Variants in USH2A observed in about 807,000 individuals in gnomAD.
The protein encoded by USH2A is usherin, also known as Usher syndrome 2A (autosomal recessive, mild).
Under a neutral mutation model 538.9 loss-of-function variants are expected in USH2A, and 443 were observed. That is an observed-to-expected ratio of 0.82 (90% CI 0.76 to 0.89). The LOEUF (loss-of-function observed/expected upper bound fraction) is 0.89, where lower values mean the gene tolerates loss of function less well. Ranked by LOEUF, USH2A falls within the 40% of genes least tolerant of loss-of-function variation. The pLI, the probability that USH2A is intolerant of heterozygous loss-of-function variation, is 0.00. For missense variants in USH2A, 6,633 were observed against 6,324.8 expected (o/e 1.05, Z -1.65); for synonymous variants, 2,413 against 2,273.5 (o/e 1.06, Z -1.75).
chr1:215,736,654 A>C (rs953935430), intron 60 of USH2A, among the ~76,000 whole-genome samples: 3 of 152,056 alleles, frequency 2.0e-5, no homozygotes, highest in African/African-American at 7.2e-5. Context: ...ATAGACAATA[A>C]GAAATAATCC....
At chr1:215,987,532 C>T (rs915600383) in intron 35 of USH2A, among the ~76,000 whole-genome samples, 1 of 152,136 alleles carries the variant, frequency 6.6e-6, no homozygotes, top group African/African-American at 2.4e-5. Flanking sequence ...GAGTGTCACA[C>T]CATCATTTTT....
At chr1:215,988,720 G>A (rs1362850070) in intron 35 of USH2A, among the ~76,000 whole-genome samples, 1 of 152,054 alleles carries the variant, frequency 6.6e-6, no homozygotes, top group Non-Finnish European at 1.5e-5. Flanking sequence ...TTTTAACTGA[G>A]CAATTATTAT....
intron 37 of USH2A, among the ~76,000 whole-genome samples, chr1:215,955,961 G>C (rs75263956): frequency 0.052 from 7,861 of 152,222 alleles, 255 homozygotes; most frequent in African/African-American, 0.096. Context: ...TCAGGAATCA[G>C]AGAAGGGAAT....
At position 215,760,713 on chromosome 1, in the gene USH2A, A is replaced by G. The variant is rs140030906; in HGVS notation, c.11048-870T>C. The stretch of plus-strand genomic sequence containing the variant: ...AAAAATAATGATCCCTGAGACTTTC[A>G]CCTTTCATACGCCCAAATGTAATCT... On this transcript the variant is annotated intron_variant, in intron 56 of 71. Coordinates refer to ENST00000307340, the MANE Select transcript of USH2A (RefSeq NM_206933.4). Among the ~76,000 whole-genome samples the G allele has an allele frequency of 4.9e-3, 750 of 152,222 alleles. 11 individuals carry two copies. Among genetic ancestry groups the G allele is most frequent in the Non-Finnish European group, 4.3e-3 (291 of 68,016 alleles).
chr1:215,684,301 C>A (rs1040053184), intron 61 of USH2A, among the ~76,000 whole-genome samples: 21 of 152,118 alleles, frequency 1.4e-4, no homozygotes, highest in African/African-American at 4.6e-4. Context: ...AATTTTACAC[C>A]ATCTCCTCTG....
chr1:215,675,351 C>A lies in USH2A; in HGVS notation c.12560G>T (p.Arg4187Leu), dbSNP rs147304271. Residue 4187 changes from arginine to leucine, a missense_variant, in exon 63 of 72, where the codon CGC (arginine) becomes CTC (leucine). Coordinates refer to ENST00000307340, the MANE Select transcript of USH2A (RefSeq NM_206933.4). ...EPVNPNGKII[R>L]YEVIRRCFEG... Reference sequence around the variant, plus strand: ...GAAGCATCTGCGAATCACTTCATAGCGAATTATTTTTCCATTTGGGTTAAC... The same window carrying A: ...GAAGCATCTGCGAATCACTTCATAGAGAATTATTTTTCCATTTGGGTTAAC... The A allele has an allele frequency of 8.1e-6, 13 of 1,614,096 alleles. No individual in the cohort carries two copies. The highest frequency in any genetic ancestry group is 5.0e-5 in the Admixed American group (3 of 60,018).
At chr1:216,362,026 C>T (rs547953066) in intron 4 of USH2A, among the ~76,000 whole-genome samples, 24 of 152,184 alleles carry the variant, frequency 1.6e-4, no homozygotes, top group South Asian at 8.3e-4. Flanking sequence ...AAATATTCTA[C>T]GACTTTTTTT....
At chr1:215,878,699 A>G in intron 42 of USH2A, 65 bp downstream of exon 42, 1 of 1,536,106 alleles carries the variant, frequency 6.5e-7, no homozygotes, top group Non-Finnish European at 8.9e-7. Context: ...AGCCTCCTTC[A>G]TTTCCCTACT....
chr1:215,856,766 T>C (rs998556459), intron 44 of USH2A, among the ~76,000 whole-genome samples: 2 of 151,766 alleles, frequency 1.3e-5, no homozygotes, highest in African/African-American at 4.8e-5. Flanking sequence ...AGCAGCACAG[T>C]TCACAATTGT....
intron 3 of USH2A, among the ~76,000 whole-genome samples, chr1:216,366,929 G>A (rs945745469): frequency 3.9e-5 from 6 of 152,068 alleles, no homozygotes; most frequent in African/African-American, 1.4e-4. Flanking sequence ...CATTATAAAA[G>A]ATACAGGCTT....
intron 49 of USH2A, among the ~76,000 whole-genome samples, chr1:215,802,743 A>G (rs1462397582): frequency 6.6e-6 from 1 of 152,138 alleles, no homozygotes; most frequent in Non-Finnish European, 1.5e-5. Context: ...TGATCCAGCA[A>G]TTCCACTTCT....
intron 47 of USH2A, among the ~76,000 whole-genome samples, chr1:215,822,769 TTATTTTGATG>T (rs538480462): frequency 1.6e-4 from 25 of 152,132 alleles, no homozygotes; most frequent in African/African-American, 4.8e-4. Flanking sequence ...TACATGGCTT[TTATTTTGATG>T]TATGCACCTT....
At chr1:215,709,645 TA>T (rs5780846) in intron 61 of USH2A, among the ~76,000 whole-genome samples, 1,353 of 126,972 alleles carry the variant, frequency 0.011, 18 homozygotes, top group African/African-American at 0.027. Context: ...AGATAATTTG[TA>T]AAAAAAAAAA....
Position 215,867,142 on chromosome 1 carries a change from C to G in USH2A, c.8710G>C (p.Val2904Leu), listed in dbSNP as rs142649882. 3.1e-6 allele frequency: 5 copies of G among 1,613,796 alleles called. No homozygotes were observed. In the African/African-American group the frequency reaches 6.7e-5, roughly 22 times the overall value. The change falls in exon 44 of 72, where the codon GTA becomes CTA. Residue 2904 changes from valine to leucine, a missense_variant. Val to Leu is a conservative substitution (Grantham distance 32). Coordinates refer to ENST00000307340, the MANE Select transcript of USH2A (RefSeq NM_206933.4). Reference protein sequence around the residue: ...RFTTYEYMLFVHNSVGFTPSR... With the variant: ...RFTTYEYMLFLHNSVGFTPSR... ...GGTGTAAAACCCACACTGTTGTGTA[C>G]GAAGAGCATATATTCATAGGTTGTA...
chr1:216,065,608 G>A lies in USH2A; in HGVS notation c.6049+4493C>T, dbSNP rs187701913. On this transcript the variant is annotated intron_variant, in intron 30 of 71. Transcript: ENST00000307340. ...TGTGAATCATTCAATAGAAAAATTA[G>A]CAATGCAGCTGGGTGCAGTGGCTCA... 4.8e-3 allele frequency among the ~76,000 whole-genome samples: 726 copies of A among 152,280 alleles called. 3 individuals are homozygous for A. Among genetic ancestry groups the A allele is most frequent in the Non-Finnish European group, 7.9e-3 (538 of 68,002 alleles).
At chr1:215,702,417 C>G (rs1023496363) in intron 61 of USH2A, among the ~76,000 whole-genome samples, 1 of 152,088 alleles carries the variant, frequency 6.6e-6, no homozygotes, top group Non-Finnish European at 1.5e-5. Context: ...AGTGTGTTTT[C>G]CAACTTGGTT....
At chr1:215,820,553 A>T (rs1160387750) in intron 47 of USH2A, among the ~76,000 whole-genome samples, 1 of 151,836 alleles carries the variant, frequency 6.6e-6, no homozygotes, top group Non-Finnish European at 1.5e-5. Context: ...TGGCATATCC[A>T]TCACCTTAAA....
chr1:216,110,213 C>T (rs1018475302), intron 21 of USH2A, among the ~76,000 whole-genome samples: 3 of 152,086 alleles, frequency 2.0e-5, no homozygotes, highest in Admixed American at 6.5e-5. Context: ...AAAAACCCAG[C>T]CAGGCACAGT....
At chr1:215,974,085 C>T (rs1015139643) in intron 35 of USH2A, among the ~76,000 whole-genome samples, 1 of 152,040 alleles carries the variant, frequency 6.6e-6, no homozygotes, top group Non-Finnish European at 1.5e-5. Context: ...TTGATACACA[C>T]ACACACATCA....
Sources: allele counts gnomAD v4.1 joint callset (sites outside exome capture counted in the v4.1 genomes callset), GRCh38; gene constraint gnomAD v4.1.1; transcripts MANE v1.5; gene names NCBI Gene and HGNC (gene_info 2026-07-23, HGNC 2026-07-21).